The following NUGGC variants were observed in gnomAD, a reference collection of about 807,000 sequenced individuals.
The protein encoded by NUGGC is nuclear GTPase SLIP-GC.
Under a neutral mutation model 92.6 loss-of-function variants are expected in NUGGC, and 58 were observed. The observed-to-expected ratio is 0.63, with a 90% confidence interval of 0.51 to 0.78. The LOEUF (loss-of-function observed/expected upper bound fraction) is 0.78. Ranked by LOEUF, NUGGC falls within the 30% of genes least tolerant of loss-of-function variation. NUGGC has a pLI of 0.00. For missense variants in NUGGC, 925 were observed against 964.6 expected (o/e 0.96, Z 0.54); for synonymous variants, 376 against 366.4 (o/e 1.03, Z -0.30).
chr8:28,049,811 T>G lies in NUGGC; in HGVS notation c.1207-2199A>C, dbSNP rs552393685. Among the ~76,000 whole-genome samples, 11 of 152,264 alleles carry G rather than the reference T, an allele frequency of 7.2e-5. No homozygotes were observed. The South Asian group carries it at 2.3e-3, about 32-fold the overall frequency. ...AGCTCAAACCAGAAGGGAGGCTAGG[T>G]GTGGTGGCTCACACCTGTAATCCCA... On this transcript the variant is annotated intron_variant, in intron 10 of 18. Coordinates refer to ENST00000413272, the MANE Select transcript of NUGGC (RefSeq NM_001010906.2).
chr8:28,067,473 G>A, intron 6 of NUGGC, 41 bp downstream of exon 6: 6 of 1,300,750 alleles, frequency 4.6e-6, no homozygotes, highest in Non-Finnish European at 6.6e-6. Context: ...TTAGACTTGA[G>A]ACCCAGGATG....
Position 28,045,620 on chromosome 8 carries a change from C to T in NUGGC, c.1353G>A (p.Leu451=). 1 of 1,612,970 alleles carries T rather than the reference C, an allele frequency of 6.2e-7. No individual in the cohort carries two copies. The highest frequency in any genetic ancestry group is 2.2e-5 in the East Asian group (1 of 44,862). Residue 451 remains leucine, a synonymous_variant, in exon 12 of 19, where the codon TTG becomes TTA. Transcript: ENST00000413272. ...TGGTCACTGTCCTCTTCTTCTTGTC[C>T]AAGAGGCTCTTCCTGATGTATTCTC... ...KLREYIRKSL[L]DKKKRTVTKY... is the part of the protein sequence containing the mutation.
intron 18 of NUGGC, among the ~76,000 whole-genome samples, 196 bp downstream of exon 18, chr8:28,026,765 AT>A (rs2130061459): frequency 5.1e-5 from 2 of 39,516 alleles, no homozygotes; most frequent in South Asian, 1.1e-3. Flanking sequence ...TGTTGTTTTC[AT>A]CATCATCATC....
At chr8:28,057,929 C>T (rs947995773) in intron 9 of NUGGC, among the ~76,000 whole-genome samples, 1 of 152,126 alleles carries the variant, frequency 6.6e-6, no homozygotes, top group Non-Finnish European at 1.5e-5. Context: ...CGGTGGCTCA[C>T]GCCTGTAATC....
intron 9 of NUGGC, among the ~76,000 whole-genome samples, chr8:28,057,330 C>CTTTTTTTTTTTTTTT (rs57167648): frequency 6.5e-5 from 8 of 124,008 alleles, no homozygotes; most frequent in African/African-American, 1.2e-4. Flanking sequence ...ATTTTCTTTC[C>CTTTTTTTTTTTTTTT]TTTTTTTTTT....
Position 28,023,069 on chromosome 8 carries a change from C to CAAAA in NUGGC, c.*244_*247dup, listed in dbSNP as rs34532311. ...TGGGTGACACAGCGAGACTCTGTCT[C>CAAAA]AAAAAAAAAAAAAAAAAAATTACCC... On this transcript the variant is annotated 3_prime_UTR_variant, in exon 19 of 19. Transcript: ENST00000413272. 3.5e-5 allele frequency: 8 copies of CAAAA among 227,206 alleles called. No individual in the cohort carries two copies. Among genetic ancestry groups the CAAAA allele is most frequent in the African/African-American group, 1.3e-4 (4 of 31,552 alleles). 14.1% of individuals were successfully genotyped at this position (227,206 alleles called of 1,614,324 possible).
intron 13 of NUGGC, 46 bp from the exon 14 acceptor site, chr8:28,033,743 G>A (rs1459549382): frequency 4.5e-6 from 7 of 1,560,474 alleles, no homozygotes; most frequent in Non-Finnish European, 6.2e-6. Context: ...TTAACTGGAA[G>A]GTCACTGGAT....
Position 28,056,342 on chromosome 8 carries a change from G to T in NUGGC, c.1117-288C>A, listed in dbSNP as rs925613983. On this transcript the variant is annotated intron_variant, in intron 9 of 18. Transcript: ENST00000413272. ...GAATACAAAAAATTAGCTAGGCGTG[G>T]CGGCACGTGCCTGTAGTCCCAGCTA... Among the ~76,000 whole-genome samples, 37 of 152,018 alleles carry T rather than the reference G, an allele frequency of 2.4e-4. 1 individual carries two copies. The highest frequency in any genetic ancestry group is 2.2e-3 in the Admixed American group (33 of 15,262).
chr8:28,063,170 G>T (rs1246152223), intron 7 of NUGGC, among the ~76,000 whole-genome samples: 1 of 152,164 alleles, frequency 6.6e-6, no homozygotes, highest in Non-Finnish European at 1.5e-5. Context: ...CTGCAGAGGG[G>T]GGTCTTGAGT....
chr8:28,035,293 A>C (rs1314235019), intron 13 of NUGGC, among the ~76,000 whole-genome samples: 2 of 152,222 alleles, frequency 1.3e-5, no homozygotes, highest in Non-Finnish European at 2.9e-5. Flanking sequence ...ATTACCCCGA[A>C]CATAGCGGTG....
intron 7 of NUGGC, among the ~76,000 whole-genome samples, chr8:28,061,551 G>A (rs2130218085): frequency 6.6e-6 from 1 of 152,296 alleles, no homozygotes; most frequent in South Asian, 2.1e-4. Context: ...AACTAGTAGA[G>A]GTTTTGTGCC....
chr8:28,043,826 C>T (rs117138186), intron 12 of NUGGC, among the ~76,000 whole-genome samples: 1 of 152,136 alleles, frequency 6.6e-6, no homozygotes, highest in East Asian at 1.9e-4. Context: ...CAAATTTCAC[C>T]CTGAAGAACT....
intron 2 of NUGGC, among the ~76,000 whole-genome samples, chr8:28,070,598 T>A (rs1239369903): frequency 6.6e-6 from 1 of 151,084 alleles, no homozygotes; most frequent in East Asian, 2.0e-4. Flanking sequence ...AAAAAAATTT[T>A]TTTTTTTGGT....
At chr8:28,068,161 GAAAGGAAGGAA>G in intron 5 of NUGGC, 44 bp downstream of exon 5, 5 of 1,094,458 alleles carry the variant, frequency 4.6e-6, no homozygotes, top group South Asian at 1.4e-5. Flanking sequence ...GAAAAAGGAA[GAAAGGAAGGAA>G]AAAGGAAGGA....
chr8:28,050,720 A>C (rs1809974583), intron 10 of NUGGC, among the ~76,000 whole-genome samples: 1 of 152,076 alleles, frequency 6.6e-6, no homozygotes, highest in Admixed American at 6.5e-5. Context: ...CTGAGGCAGG[A>C]GAATCACTTG....
intron 10 of NUGGC, among the ~76,000 whole-genome samples, chr8:28,050,277 C>T (rs1809959648): frequency 6.6e-6 from 1 of 151,528 alleles, no homozygotes; most frequent in Non-Finnish European, 1.5e-5. Flanking sequence ...CCCAGCTACT[C>T]GGGAGGCTGA....
intron 10 of NUGGC, among the ~76,000 whole-genome samples, chr8:28,048,382 G>T (rs1809896456): frequency 6.6e-6 from 1 of 152,086 alleles, no homozygotes; most frequent in Non-Finnish European, 1.5e-5. Flanking sequence ...ATTGGCAAAT[G>T]GTACACATCA....
Position 28,063,109 on chromosome 8 carries a change from G to C in NUGGC, c.921+1413C>G, listed in dbSNP as rs1450252714. On this transcript the variant is annotated intron_variant, in intron 7 of 18. Transcript: ENST00000413272. ...TGAATTCATAACGGGTTTTAGGGAA[G>C]GCAAGACTGGCAGCCTGAGAGACAT... Among the ~76,000 whole-genome samples the C allele has an allele frequency of 5.9e-5, 9 of 152,286 alleles. No homozygotes were observed. The East Asian group carries it at 1.7e-3, about 29-fold the overall frequency.
intron 7 of NUGGC, among the ~76,000 whole-genome samples, chr8:28,063,490 C>G (rs1810359355): frequency 6.6e-6 from 1 of 152,156 alleles, no homozygotes; most frequent in African/African-American, 2.4e-5. Context: ...AAGGCCAGGC[C>G]TGAGCCACCG....
Sources: allele counts gnomAD v4.1 joint callset (sites outside exome capture counted in the v4.1 genomes callset), GRCh38; gene constraint gnomAD v4.1.1; transcripts MANE v1.5; gene names NCBI Gene and HGNC (gene_info 2026-07-23, HGNC 2026-07-21).